Variants in TIAM1 observed in about 807,000 individuals in gnomAD.
TIAM1 encodes rho guanine nucleotide exchange factor TIAM1.
TIAM1 carries 65 observed loss-of-function variants against 163.5 expected under a neutral mutation model. That is an observed-to-expected ratio of 0.40 (90% CI 0.33 to 0.49). TIAM1 has a LOEUF of 0.49. Ranked by LOEUF, TIAM1 falls within the 20% of genes least tolerant of loss-of-function variation. The pLI is 0.77. For synonymous variants in TIAM1, 833 were observed against 810.1 expected (o/e 1.03, Z -0.48); for missense variants, 1,789 against 2,044.7 (o/e 0.87, Z 2.41).
intron 6 of TIAM1, among the ~76,000 whole-genome samples, chr21:31,237,412 G>C (rs2146685437): frequency 6.6e-6 from 1 of 152,296 alleles, no homozygotes; most frequent in Middle Eastern, 3.4e-3. Context: ...CAAGACCTTA[G>C]CCTTTTCACA....
At chr21:31,498,974 G>A (rs2046758273) in intron 1 of TIAM1, among the ~76,000 whole-genome samples, 1 of 116,734 alleles carries the variant, frequency 8.6e-6, no homozygotes, top group South Asian at 3.7e-4. Flanking sequence ...AGAAAAGAGC[G>A]AAGAGAAGAG....
At chr21:31,232,929 A>G (rs1438670797) in intron 6 of TIAM1, among the ~76,000 whole-genome samples, 1 of 151,824 alleles carries the variant, frequency 6.6e-6, no homozygotes, top group Non-Finnish European at 1.5e-5. Context: ...AGTTCGGTGA[A>G]GGGAATAAGC....
intron 2 of TIAM1, among the ~76,000 whole-genome samples, chr21:31,427,473 C>T (rs955750876): frequency 2.0e-5 from 3 of 151,266 alleles, no homozygotes; most frequent in Non-Finnish European, 4.4e-5. Flanking sequence ...GGGGACAGAG[C>T]GAGACTCTGT....
At chr21:31,552,911 T>C (rs1045317690) in intron 1 of TIAM1, among the ~76,000 whole-genome samples, 1 of 152,180 alleles carries the variant, frequency 6.6e-6, no homozygotes, top group African/African-American at 2.4e-5. Context: ...TTAATAACTC[T>C]GGAATCCAAA....
rs1476819673 is a variant in TIAM1, at chr21:31,160,307, T to TC, written c.2991+4654dup. On this transcript the variant is annotated intron_variant, in intron 16 of 27. Transcript: ENST00000541036. The stretch of plus-strand genomic sequence containing the variant: ...AATACAGACTTTATGAACAAGGGTA[T>TC]CCAGAGGGTAAAAGGACAGAATACG... 9 of 396,438 alleles carry TC rather than the reference T, an allele frequency of 2.3e-5. No individual in the cohort carries two copies. The East Asian group carries it at 2.9e-4, about 13-fold the overall frequency. 24.6% of individuals were successfully genotyped at this position (396,438 alleles called of 1,614,324 possible). A position where few individuals can be genotyped will look rare whatever the true frequency, so the allele number is the denominator to read the frequency against.
At chr21:31,341,720 T>C (rs940127167) in intron 1 of TIAM1, among the ~76,000 whole-genome samples, 9 of 152,196 alleles carry the variant, frequency 5.9e-5, no homozygotes, top group Admixed American at 5.9e-4. Flanking sequence ...ATGTCAAACA[T>C]ACAAAGACAA....
intron 1 of TIAM1, among the ~76,000 whole-genome samples, chr21:31,465,258 TTTTA>T (rs1032735688): frequency 4.6e-5 from 7 of 151,904 alleles, no homozygotes; most frequent in Middle Eastern, 3.4e-3. Context: ...ATTTTATTAT[TTTTA>T]TTTATTTATT....
chr21:31,439,923 G>T (rs910434658), intron 2 of TIAM1, among the ~76,000 whole-genome samples: 9 of 152,136 alleles, frequency 5.9e-5, no homozygotes, highest in Non-Finnish European at 1.2e-4. Flanking sequence ...GAACAAACCA[G>T]ACTGAGATGG....
intron 23 of TIAM1, among the ~76,000 whole-genome samples, chr21:31,134,092 A>G (rs745718532): frequency 6.6e-6 from 1 of 152,158 alleles, no homozygotes; most frequent in Non-Finnish European, 1.5e-5. Flanking sequence ...AAAACAAAAC[A>G]AAACGAAACA....
chr21:31,507,177 TAA>T (rs370498117), intron 1 of TIAM1, among the ~76,000 whole-genome samples: 4 of 126,162 alleles, frequency 3.2e-5, no homozygotes, highest in African/African-American at 8.9e-5. Context: ...TGCACCTTTT[TAA>T]TTTTTTTTTT....
chr21:31,459,885 A>ATGG (rs1200341691), intron 2 of TIAM1, among the ~76,000 whole-genome samples: 1 of 152,194 alleles, frequency 6.6e-6, no homozygotes. Flanking sequence ...CTGGAGCCGG[A>ATGG]TGGTGCATGG....
chr21:31,310,588 C>G (rs1231051882), intron 2 of TIAM1, among the ~76,000 whole-genome samples: 4 of 152,140 alleles, frequency 2.6e-5, no homozygotes, highest in African/African-American at 9.7e-5. Context: ...GGAGGTTAAA[C>G]TAATTTCACA....
chr21:31,385,930 T>C (rs2076863457), intron 2 of TIAM1, among the ~76,000 whole-genome samples: 1 of 140,636 alleles, frequency 7.1e-6, no homozygotes, highest in African/African-American at 2.6e-5. Flanking sequence ...ATTGATAATA[T>C]ATTAATGTTA....
intron 1 of TIAM1, among the ~76,000 whole-genome samples, chr21:31,552,080 C>T (rs7275555): frequency 0.063 from 6,477 of 102,136 alleles, 362 homozygotes; most frequent in Admixed American, 0.17. Context: ...TTTTTTGAGA[C>T]GGAGGCTCAC....
chr21:31,147,787 A>AAAAT (rs1555868374), intron 19 of TIAM1, among the ~76,000 whole-genome samples: 14 of 139,846 alleles, frequency 1.0e-4, no homozygotes, highest in African/African-American at 2.6e-4. Context: ...ATTATATTAA[A>AAAAT]ATATATATAT....
At chr21:31,127,181 G>C (rs762172099) in intron 25 of TIAM1, 29 bp from the exon 26 acceptor site, 3 of 1,601,688 alleles carry the variant, frequency 1.9e-6, no homozygotes, top group Non-Finnish European at 2.6e-6. Flanking sequence ...CAATGAATCA[G>C]GGTATGTTTC....
chr21:31,426,239 G>A (rs762995407), intron 2 of TIAM1, among the ~76,000 whole-genome samples: 7 of 152,014 alleles, frequency 4.6e-5, no homozygotes, highest in African/African-American at 1.2e-4. Flanking sequence ...ATAAGGGCCC[G>A]CTTTTTAACA....
chr21:31,228,236 A>AGGAG (rs1256922561), intron 6 of TIAM1, among the ~76,000 whole-genome samples: 83 of 45,954 alleles, frequency 1.8e-3, no homozygotes, highest in East Asian at 3.1e-3. Context: ...AAAAAAAAAA[A>AGGAG]AAAAAAAAAA....
intron 1 of TIAM1, among the ~76,000 whole-genome samples, chr21:31,504,982 T>C (rs2046978404): frequency 6.6e-6 from 1 of 152,192 alleles, no homozygotes; most frequent in Non-Finnish European, 1.5e-5. Context: ...AAATTTGTTA[T>C]TAGCCTCTGA....
Sources: gnomAD v4.1 joint callset for allele counts (sites outside exome capture counted in the v4.1 genomes callset) on GRCh38, gnomAD v4.1.1 for gene constraint, MANE v1.5 for transcripts, NCBI Gene and HGNC (gene_info 2026-07-23, HGNC 2026-07-21) for gene names.